WWC1: variants seen among roughly 807,000 people sequenced by gnomAD.
WWC1 encodes the protein protein KIBRA.
WWC1 carries 55 observed loss-of-function variants against 138.4 expected under a neutral mutation model. The ratio of observed to expected loss-of-function variants is 0.40; its 90% confidence interval spans 0.32 to 0.50. The LOEUF (loss-of-function observed/expected upper bound fraction) is 0.50, where lower values mean the gene tolerates loss of function less well. Ranked by LOEUF, WWC1 falls within the 20% of genes least tolerant of loss-of-function variation. The pLI is 0.72. For synonymous variants in WWC1, 524 were observed against 564.9 expected, an observed-to-expected ratio of 0.93 and a Z score of 1.03; for missense variants, 1,226 against 1,420.4, an observed-to-expected ratio of 0.86 and a Z score of 2.20.
intron 1 of WWC1, among the ~76,000 whole-genome samples, chr5:168,318,462 C>T (rs1423017411): frequency 1.2e-4 from 18 of 152,106 alleles, no homozygotes; most frequent in Non-Finnish European, 1.5e-5. Context: ...AAAACTGAAA[C>T]TCTGAAAACT....
chr5:168,379,739 G>C (rs1010872287), intron 2 of WWC1, among the ~76,000 whole-genome samples: 2 of 152,076 alleles, frequency 1.3e-5, no homozygotes, highest in Non-Finnish European at 2.9e-5. Flanking sequence ...CTTTTAAAAG[G>C]CCCAATGCCC....
At chr5:168,337,271 G>A (rs1021040202) in intron 1 of WWC1, among the ~76,000 whole-genome samples, 3 of 152,154 alleles carry the variant, frequency 2.0e-5, no homozygotes, top group African/African-American at 7.2e-5. Flanking sequence ...CTCTCCAACT[G>A]TGTGGTACTT....
chr5:168,396,378 G>A (rs724883), intron 3 of WWC1, among the ~76,000 whole-genome samples: 3,666 of 150,938 alleles, frequency 0.024, 134 homozygotes, highest in African/African-American at 0.084. Flanking sequence ...GTAAGACTTC[G>A]TCTCAAAAAA....
intron 9 of WWC1, chr5:168,415,869 T>C (rs2152845204): frequency 7.6e-6 from 1 of 132,272 alleles, no homozygotes; most frequent in South Asian, 2.5e-4. Flanking sequence ...GTGGTGTGTG[T>C]GTGTTTGGAA....
intron 17 of WWC1, among the ~76,000 whole-genome samples, chr5:168,447,139 G>A (rs1474787587): frequency 1.3e-5 from 2 of 152,172 alleles, no homozygotes; most frequent in Non-Finnish European, 2.9e-5. Context: ...TTAGAAAACA[G>A]CCACTATGTC....
chr5:168,446,656 G>T (rs940878253), intron 17 of WWC1, among the ~76,000 whole-genome samples: 1 of 152,216 alleles, frequency 6.6e-6, no homozygotes, highest in Non-Finnish European at 1.5e-5. Context: ...TTGTGTCACT[G>T]TTGGGCAAGT....
At chr5:168,454,208 A>G in intron 18 of WWC1, 108 bp downstream of exon 18, 1 of 1,506,350 alleles carries the variant, frequency 6.6e-7, no homozygotes, top group African/African-American at 1.4e-5. Flanking sequence ...TTCCAGCATC[A>G]GGGCACAAGC....
chr5:168,354,176 G>C (rs975359770), intron 1 of WWC1, among the ~76,000 whole-genome samples: 4 of 151,674 alleles, frequency 2.6e-5, no homozygotes, highest in Admixed American at 2.0e-4. Flanking sequence ...TCAGCTACCC[G>C]AGTACTTGGG....
intron 1 of WWC1, among the ~76,000 whole-genome samples, chr5:168,320,481 AG>A (rs1771973040): frequency 6.6e-6 from 1 of 152,208 alleles, no homozygotes; most frequent in African/African-American, 2.4e-5. Flanking sequence ...ACTTTGAGTC[AG>A]TTACAAGACC....
At chr5:168,299,431 A>G (rs552287646) in intron 1 of WWC1, among the ~76,000 whole-genome samples, 1 of 152,276 alleles carries the variant, frequency 6.6e-6, no homozygotes, top group Admixed American at 6.5e-5. Context: ...AGCTTTGGGG[A>G]TGGGAGAAGA....
rs1337167753 is a variant in WWC1 at position 168,471,369 on chromosome 5, T to G, written c.*2352T>G. 6.6e-6 allele frequency: 1 copy of G among 152,332 alleles called. No individual in the cohort carries two copies. Among genetic ancestry groups the G allele is most frequent in the Admixed American group, 6.5e-5 (1 of 15,284 alleles). 9.4% of individuals were successfully genotyped at this position (152,332 alleles called of 1,614,324 possible). On this transcript the variant is annotated 3_prime_UTR_variant, in exon 23 of 23. Transcript: ENST00000265293. ...GATGTTCTCTCTCCTTCCATTGAATTCCACCAGACACATTCAGGGTTTACT... is the reference window on the plus strand; with the variant it reads ...GATGTTCTCTCTCCTTCCATTGAATGCCACCAGACACATTCAGGGTTTACT...
intron 1 of WWC1, among the ~76,000 whole-genome samples, chr5:168,367,952 A>AACACAC (rs5873108): frequency 1.9e-3 from 285 of 151,278 alleles, no homozygotes; most frequent in Middle Eastern, 6.8e-3. Flanking sequence ...TTTCTTTACT[A>AACACAC]ACACACACAC....
intron 1 of WWC1, among the ~76,000 whole-genome samples, chr5:168,342,238 A>T (rs918946055): frequency 6.6e-6 from 1 of 152,176 alleles, no homozygotes; most frequent in Non-Finnish European, 1.5e-5. Flanking sequence ...GAGCAGAGGA[A>T]GGGAGAGGGA....
At chr5:168,336,295 C>T (rs899823895) in intron 1 of WWC1, among the ~76,000 whole-genome samples, 1 of 151,990 alleles carries the variant, frequency 6.6e-6, no homozygotes, top group African/African-American at 2.4e-5. Flanking sequence ...ACCCGGCCAG[C>T]CACGGTGGCT....
At chr5:168,317,221 A>G (rs1226075283) in intron 1 of WWC1, among the ~76,000 whole-genome samples, 2 of 152,172 alleles carry the variant, frequency 1.3e-5, no homozygotes. Flanking sequence ...AGTGCCTGCC[A>G]GTGCTGCATT....
intron 17 of WWC1, among the ~76,000 whole-genome samples, chr5:168,449,091 C>T (rs1278101539): frequency 6.6e-6 from 1 of 152,200 alleles, no homozygotes; most frequent in Non-Finnish European, 1.5e-5. Context: ...GGCTGCTCTC[C>T]TTTTCACTTC....
chr5:168,366,871 C>T (rs577198686), intron 1 of WWC1, among the ~76,000 whole-genome samples: 6 of 142,520 alleles, frequency 4.2e-5, no homozygotes, highest in Admixed American at 3.6e-4. Context: ...GATCTCAGCT[C>T]ACTGCAGCCT....
At chr5:168,465,100 C>T (rs1343832008) in intron 21 of WWC1, 138 bp downstream of exon 21, 2 of 1,313,672 alleles carry the variant, frequency 1.5e-6, no homozygotes, top group African/African-American at 3.0e-5. Context: ...GTGTTCCACC[C>T]ATCCCTCGTT....
At chr5:168,323,560 A>G (rs1199925264) in intron 1 of WWC1, among the ~76,000 whole-genome samples, 1 of 152,118 alleles carries the variant, frequency 6.6e-6, no homozygotes, top group Non-Finnish European at 1.5e-5. Context: ...AAAATAAAAT[A>G]AAAAGTACCC....
Sources: gnomAD v4.1 joint callset for allele counts (sites outside exome capture counted in the v4.1 genomes callset) on GRCh38, gnomAD v4.1.1 for gene constraint, MANE v1.5 for transcripts, NCBI Gene and HGNC (gene_info 2026-07-23, HGNC 2026-07-21) for gene names.